Variants in LMF1 observed in about 807,000 individuals in gnomAD.
LMF1 encodes transmembrane protein 112.
Under a neutral mutation model 60.6 loss-of-function variants are expected in LMF1, and 68 were observed. The ratio of observed to expected loss-of-function variants is 1.12; its 90% CI spans 0.92 to 1.37. The LOEUF (loss-of-function observed/expected upper bound fraction) is 1.37, where lower values mean the gene tolerates loss of function less well. Among genes scored for constraint, LMF1 ranks in the 40% most tolerant of loss-of-function variants. The pLI, the probability that LMF1 is intolerant of heterozygous loss-of-function variation, is 0.00. For synonymous variants in LMF1, 418 were observed against 324.7 expected (o/e 1.29, Z -3.09); for missense variants, 948 against 767.2 (o/e 1.24, Z -2.78).
chr16:871,444 C>T (rs2069790977), intron 6 of LMF1, 103 bp from the exon 7 acceptor site: 3 of 1,142,658 alleles, frequency 2.6e-6, no homozygotes, highest in Admixed American at 2.4e-5. Flanking sequence ...GGAACCTGCA[C>T]CCAGCTCTGC....
intron 3 of LMF1, among the ~76,000 whole-genome samples, chr16:929,828 C>A (rs1004555607): frequency 1.3e-5 from 2 of 152,280 alleles, no homozygotes; most frequent in African/African-American, 4.8e-5. Flanking sequence ...CTTCATCCTG[C>A]TCAGCAGTCA....
intron 6 of LMF1, among the ~76,000 whole-genome samples, chr16:875,306 C>T (rs909616555): frequency 3.3e-5 from 5 of 152,086 alleles, no homozygotes; most frequent in Admixed American, 6.5e-5. Flanking sequence ...TAAGGGAACC[C>T]GCAGCCTGGC....
At chr16:977,174 C>T (rs2073172703) in intron 1 of LMF1, 1 of 445,390 alleles carries the variant, frequency 2.2e-6, no homozygotes, top group Admixed American at 2.4e-5. Context: ...CAGACAAGGC[C>T]AGTTCTCAGG....
At chr16:888,306 G>T (rs1401183873) in intron 5 of LMF1, among the ~76,000 whole-genome samples, 3 of 152,232 alleles carry the variant, frequency 2.0e-5, no homozygotes, top group Non-Finnish European at 4.4e-5. Flanking sequence ...CCGTGGGACT[G>T]AATCAGAGTG....
At chr16:977,592 G>A (rs1338531333) in intron 1 of LMF1, among the ~76,000 whole-genome samples, 1 of 152,140 alleles carries the variant, frequency 6.6e-6, no homozygotes. Context: ...CTGCCAGCGG[G>A]TTCACGCCCG....
intron 5 of LMF1, among the ~76,000 whole-genome samples, chr16:880,737 G>A (rs2070138563): frequency 6.6e-6 from 1 of 152,230 alleles, no homozygotes; most frequent in African/African-American, 2.4e-5. Context: ...CACCCCACTG[G>A]CAAATGGGGC....
Position 869,988 on chromosome 16 carries a change from C to T in LMF1, c.1311G>A (p.Glu437=). The T allele has an allele frequency of 1.2e-6, 2 of 1,613,314 alleles. No homozygotes were observed. The highest frequency in any genetic ancestry group is 1.1e-5 in the South Asian group (1 of 91,090). ...SNASAPDAMW[E]DYEFKCKPGD... ...CTGGCTTGCACTTGAACTCGTAGTC[C>T]TCCCACATGGCATCGGGGGCGCTGG... Residue 437 remains glutamate (E), a synonymous_variant, in exon 9 of 11, where the codon GAG becomes GAA. Transcript: ENST00000262301.
chr16:916,366 G>A (rs575304822), intron 3 of LMF1, among the ~76,000 whole-genome samples: 41 of 152,314 alleles, frequency 2.7e-4, no homozygotes, highest in African/African-American at 7.5e-4. Context: ...GCTCTGCGCC[G>A]GGCCGCCCTC....
chr16:888,941 C>A (rs564697492), intron 5 of LMF1, among the ~76,000 whole-genome samples: 1 of 152,332 alleles, frequency 6.6e-6, no homozygotes, highest in East Asian at 1.9e-4. Context: ...CTGTGCTGCG[C>A]TGGCCCTGGG....
rs758497978 is a variant in LMF1, at chr16:856,069, G to C, written c.1530-1363C>G. 71 of 417,098 alleles carry C rather than the reference G, an allele frequency of 1.7e-4. 1 individual carries two copies. Among genetic ancestry groups the C allele is most frequent in the South Asian group, 1.2e-3 (68 of 57,996 alleles). The allele number at this position is 417,098 out of a possible 1,614,324, so 25.8% of individuals were successfully genotyped here. On this transcript the variant is annotated intron_variant, in intron 10 of 10. Coordinates refer to ENST00000262301, the MANE Select transcript of LMF1 (RefSeq NM_022773.4). ...TCCCTGAGGCGCCTGATGGGAGAGA[G>C]GGATCAGCAGCTCCAAGAGGAGTGG...
chr16:933,178 C>T (rs918103373), intron 3 of LMF1: 1 of 152,222 alleles, frequency 6.6e-6, no homozygotes, highest in Non-Finnish European at 1.5e-5. Context: ...CAGGTGGCAC[C>T]CAGCAGCCAG....
intron 6 of LMF1, chr16:873,797 A>G (rs1423130576): frequency 1.3e-5 from 2 of 152,352 alleles, no homozygotes; most frequent in African/African-American, 4.8e-5. Context: ...GCTGAGGTCT[A>G]ACACCAGTCC....
intron 1 of LMF1, among the ~76,000 whole-genome samples, chr16:978,283 C>T (rs1489314379): frequency 6.6e-6 from 1 of 150,610 alleles, no homozygotes; most frequent in Non-Finnish European, 1.5e-5. Context: ...ACGCACCACA[C>T]ACACCATAAA....
chr16:966,190 C>CGG (rs1282034289), intron 1 of LMF1, among the ~76,000 whole-genome samples: 2 of 152,260 alleles, frequency 1.3e-5, no homozygotes, highest in South Asian at 4.1e-4. Context: ...CCTCACGTGG[C>CGG]GGGGACACAG....
At chr16:869,224 T>C (rs1364825819) in intron 9 of LMF1, 168 bp from the exon 10 acceptor site, 1 of 666,110 alleles carries the variant, frequency 1.5e-6, no homozygotes, top group African/African-American at 1.8e-5. Context: ...AGGGGCTGCC[T>C]GCTTCGTGTA....
chr16:952,309 C>CA (rs5815067), intron 2 of LMF1, among the ~76,000 whole-genome samples: 7 of 56,356 alleles, frequency 1.2e-4, no homozygotes, highest in African/African-American at 8.2e-4. Context: ...AAAGTGGGGA[C>CA]CCCCCCCCAC....
rs1384852051 is a variant in LMF1, at chr16:979,434, G to A, written c.-135+1711C>T. On this transcript the variant is annotated intron_variant, in intron 1 of 6. Transcript: ENST00000570014. ...CCACCCCTCCTGTGGCAGCCTGCAC[G>A]CCCAGCACCTCCCCTGGTGATCACT... 1.6e-5 allele frequency: 5 copies of A among 310,954 alleles called. No homozygotes were observed. In the Admixed American group the frequency reaches 1.7e-4, roughly 10 times the overall value. The allele number at this position is 310,954 out of a possible 1,614,324, so 19.3% of individuals were successfully genotyped here. A position where few individuals can be genotyped will look rare whatever the true frequency, so the allele number is the denominator to read the frequency against.
intron 2 of LMF1, among the ~76,000 whole-genome samples, chr16:951,675 C>T (rs1168253060): frequency 3.3e-5 from 5 of 152,212 alleles, no homozygotes; most frequent in Admixed American, 1.3e-4. Context: ...CTCAGGTGAA[C>T]GATAAATGGG....
rs545373407 is a variant in LMF1 at position 979,290 on chromosome 16, T to C, written c.-135+1855A>G. 1.9e-5 allele frequency: 7 copies of C among 360,184 alleles called. No individual in the cohort carries two copies. The East Asian group carries it at 5.2e-4, about 27-fold the overall frequency. The allele number at this position is 360,184 out of a possible 1,614,324, so 22.3% of individuals were successfully genotyped here. ...GAGATGACTCTGGAAGGGGGGTTTG[T>C]GGGCACCACTCTGCATGGGGATCCT... On this transcript the variant is annotated intron_variant, in intron 1 of 6. Coordinates refer to the LMF1 transcript ENST00000570014.
Sources: allele counts gnomAD v4.1 joint callset (sites outside exome capture counted in the v4.1 genomes callset), GRCh38; gene constraint gnomAD v4.1.1; transcripts MANE v1.5; gene names NCBI Gene and HGNC (gene_info 2026-07-23, HGNC 2026-07-21).